Variants in NEU3 observed in about 807,000 individuals in gnomAD.
NEU3 encodes sialidase-3.
Under a neutral mutation model 11.4 loss-of-function variants are expected in NEU3, and 10 were observed. The observed-to-expected ratio is 0.88, with a 90% CI of 0.54 to 1.49. The LOEUF is 1.49. Among genes scored for constraint, NEU3 ranks in the 40% most tolerant of loss-of-function variants. The pLI is 0.00. For synonymous variants in NEU3, 212 were observed against 228.2 expected, an observed-to-expected ratio of 0.93 and a Z score of 0.64; for missense variants, 529 against 581.8, an observed-to-expected ratio of 0.91 and a Z score of 0.93.
At chr11:74,982,889 ACCT>A in the NEU3 span, among the ~76,000 whole-genome samples, 2 of 151,864 alleles carry the variant, frequency 1.3e-5, no homozygotes, top group African/African-American at 4.8e-5. Context: ...AGCCTCTTCC[ACCT>A]CCTCCTTCCA....
upstream of NEU3, among the ~76,000 whole-genome samples, chr11:74,987,885 C>CTTT: frequency 1.0e-5 from 1 of 97,948 alleles, no homozygotes; most frequent in Non-Finnish European, 1.9e-5. Context: ...TGGTTCTAGG[C>CTTT]CTTTTTTTTT....
upstream of NEU3, among the ~76,000 whole-genome samples, chr11:74,984,104 A>T (rs764904632): frequency 6.6e-6 from 1 of 152,174 alleles, no homozygotes; most frequent in Non-Finnish European, 1.5e-5. Context: ...TGGCATACTT[A>T]TGGGAGAATT....
intron 1 of NEU3, among the ~76,000 whole-genome samples, chr11:74,993,921 A>G (rs1020505010): frequency 6.6e-6 from 1 of 151,972 alleles, no homozygotes; most frequent in Non-Finnish European, 1.5e-5. Flanking sequence ...TTATAACCCT[A>G]TCATCTCTTA....
upstream of NEU3, among the ~76,000 whole-genome samples, chr11:74,983,484 T>C (rs936952402): frequency 3.9e-5 from 6 of 152,232 alleles, no homozygotes; most frequent in African/African-American, 1.4e-4. Context: ...ATATCCTGAG[T>C]ACTCCAAGAG....
chr11:75,000,820 G>T (rs994083254), intron 2 of NEU3, among the ~76,000 whole-genome samples: 6 of 80,352 alleles, frequency 7.5e-5, no homozygotes, highest in East Asian at 3.9e-4. Flanking sequence ...TTTATTTATT[G>T]TAGAAATGGG....
intron 2 of NEU3, among the ~76,000 whole-genome samples, chr11:74,995,728 G>T (rs900092026): frequency 6.6e-6 from 1 of 152,124 alleles, no homozygotes; most frequent in East Asian, 1.9e-4. Flanking sequence ...GCTGGAGTGG[G>T]TCTTGCCCTG....
intron 2 of NEU3, among the ~76,000 whole-genome samples, chr11:74,998,052 A>G (rs1948810344): frequency 6.6e-6 from 1 of 152,088 alleles, no homozygotes; most frequent in African/African-American, 2.4e-5. Flanking sequence ...TAGGGTTACT[A>G]ATTGGCCTAA....
At chr11:75,005,148 A>G (rs1173267744) in intron 2 of NEU3, among the ~76,000 whole-genome samples, 3 of 152,118 alleles carry the variant, frequency 2.0e-5, no homozygotes, top group Admixed American at 2.0e-4. Flanking sequence ...TGAGTTGGGT[A>G]TGGAGGATGA....
At chr11:74,998,655 C>T (rs911912797) in intron 2 of NEU3, among the ~76,000 whole-genome samples, 10 of 152,224 alleles carry the variant, frequency 6.6e-5, no homozygotes, top group African/African-American at 2.2e-4. Flanking sequence ...TTAAAGTACA[C>T]AGTGCAAATG....
At chr11:74,999,869 A>C (rs903907248) in intron 2 of NEU3, among the ~76,000 whole-genome samples, 1 of 152,232 alleles carries the variant, frequency 6.6e-6, no homozygotes, top group African/African-American at 2.4e-5. Context: ...AGCTGTATTC[A>C]TGCCCTCTGA....
rs537417741 is a variant in NEU3 at position 74,996,124 on chromosome 11, C to T, written c.306+1404C>T. Among the ~76,000 whole-genome samples, 90 of 152,214 alleles carry T rather than the reference C, an allele frequency of 5.9e-4. No individual in the cohort carries two copies. In the South Asian group the frequency reaches 0.014, roughly 24 times the overall value. On this transcript the variant is annotated intron_variant, in intron 2 of 2. Coordinates refer to ENST00000294064, the MANE Select transcript of NEU3 (RefSeq NM_006656.6). Reference sequence around the variant, plus strand: ...AGCTGCGATTGTGCCACTGCCCTCCCGCCTGGGGGACAGAGCAATACCCTG... The same window carrying T: ...AGCTGCGATTGTGCCACTGCCCTCCTGCCTGGGGGACAGAGCAATACCCTG...
upstream of NEU3, among the ~76,000 whole-genome samples, chr11:74,987,607 A>G (rs1948679118): frequency 6.6e-6 from 1 of 151,910 alleles, no homozygotes; most frequent in African/African-American, 2.4e-5. Flanking sequence ...AGGTCAGGAG[A>G]TCGAGATCAT....
downstream of NEU3, among the ~76,000 whole-genome samples, chr11:75,012,105 G>A (rs1214210264): frequency 6.6e-6 from 1 of 152,172 alleles, no homozygotes; most frequent in Non-Finnish European, 1.5e-5. Flanking sequence ...TGAGTGACGT[G>A]TCCAGTTTCC....
At chr11:75,001,350 G>A (rs983301139) in intron 2 of NEU3, among the ~76,000 whole-genome samples, 2 of 150,238 alleles carry the variant, frequency 1.3e-5, no homozygotes, top group African/African-American at 4.9e-5. Flanking sequence ...GGTCAACTCG[G>A]CTCACTGCAA....
At chr11:75,019,823 A>G (rs1303311242), downstream of NEU3, among the ~76,000 whole-genome samples, 3 of 152,226 alleles carry the variant, frequency 2.0e-5, no homozygotes, top group Admixed American at 2.0e-4. Context: ...AATCCCTACT[A>G]GGGCACTGCC....
At position 75,008,302 on chromosome 11, in the gene NEU3, T is replaced by G. The variant is rs1591763138; in HGVS notation, c.*1810T>G. ...GCACACTTTCCTCTACTTCCTTATA[T>G]GAGGCCCACTGTCAGGGAAAACCTC... On this transcript the variant is annotated 3_prime_UTR_variant, in exon 3 of 3. Coordinates refer to ENST00000294064, the MANE Select transcript of NEU3 (RefSeq NM_006656.6). 1 of 152,322 alleles carries G rather than the reference T, an allele frequency of 6.6e-6. No individual in the cohort carries two copies. Among genetic ancestry groups the G allele is most frequent in the South Asian group, 2.1e-4 (1 of 4,818 alleles). The allele number at this position is 152,322 out of a possible 1,614,324, so 9.4% of individuals were successfully genotyped here.
chr11:74,996,609 A>G (rs374120379), intron 2 of NEU3, among the ~76,000 whole-genome samples: 4 of 152,314 alleles, frequency 2.6e-5, no homozygotes, highest in South Asian at 4.1e-4. Context: ...TAATGTTAAT[A>G]TTATGACCTC....
At chr11:75,014,533 G>A (rs1471736198), downstream of NEU3, among the ~76,000 whole-genome samples, 1 of 152,178 alleles carries the variant, frequency 6.6e-6, no homozygotes, top group Non-Finnish European at 1.5e-5. Flanking sequence ...TCAGGAAACT[G>A]AGCCCTGGAA....
At chr11:75,016,178 GGGT>G (rs1232379674) in intron 3 of NEU3, among the ~76,000 whole-genome samples, 2 of 152,196 alleles carry the variant, frequency 1.3e-5, no homozygotes, top group Admixed American at 6.5e-5. Flanking sequence ...TGAGATTCAA[GGGT>G]GAAAACTGTG....
Sources: allele counts gnomAD v4.1 joint callset (sites outside exome capture counted in the v4.1 genomes callset), GRCh38; gene constraint gnomAD v4.1.1; transcripts MANE v1.5; gene names NCBI Gene and HGNC (gene_info 2026-07-23, HGNC 2026-07-21).